CHRM3: variants seen among roughly 807,000 people sequenced by gnomAD.
The protein encoded by CHRM3 is cholinergic receptor muscarinic 3.
A neutral mutation model predicts 41.8 loss-of-function variants in CHRM3; 11 were observed. The ratio of observed to expected loss-of-function variants is 0.26; its 90% confidence interval spans 0.17 to 0.44. The LOEUF (loss-of-function observed/expected upper bound fraction) is 0.44. CHRM3 is among the 20% of genes least tolerant of loss of function. The pLI, the probability that CHRM3 is intolerant of heterozygous loss-of-function variation, is 1.00. For missense variants in CHRM3, 571 were observed against 745.4 expected, an observed-to-expected ratio of 0.77 and a Z score of 2.72; for synonymous variants, 297 against 301.4, an observed-to-expected ratio of 0.99 and a Z score of 0.15.
intron 3 of CHRM3, among the ~76,000 whole-genome samples, chr1:239,609,959 G>T (rs926847284): frequency 2.0e-5 from 3 of 151,988 alleles, no homozygotes; most frequent in Non-Finnish European, 2.9e-5. Context: ...TTGGGAGGCC[G>T]AGGTGGGTGG....
At chr1:239,482,107 A>G (rs1188617952) in intron 1 of CHRM3, among the ~76,000 whole-genome samples, 1 of 151,652 alleles carries the variant, frequency 6.6e-6, no homozygotes, top group Admixed American at 6.6e-5. Context: ...CACCTCACCT[A>G]TGTTCTTGCT....
chr1:239,855,995 T>C (rs1365831568), intron 6 of CHRM3, among the ~76,000 whole-genome samples: 1 of 152,194 alleles, frequency 6.6e-6, no homozygotes, highest in Non-Finnish European at 1.5e-5. Flanking sequence ...TTCCAGGTGA[T>C]CTTAAATTTT....
intron 4 of CHRM3, among the ~76,000 whole-genome samples, chr1:239,676,540 A>G (rs1658020182): frequency 6.6e-6 from 1 of 152,214 alleles, no homozygotes; most frequent in South Asian, 2.1e-4. Flanking sequence ...CTGTCAAGAA[A>G]TAGTGTATAT....
intron 5 of CHRM3, among the ~76,000 whole-genome samples, chr1:239,694,230 G>C (rs141917018): frequency 4.6e-5 from 7 of 152,140 alleles, no homozygotes; most frequent in Non-Finnish European, 1.0e-4. Flanking sequence ...TTAGATGATC[G>C]ATACAAACCT....
At chr1:239,799,217 C>A (rs1329682938) in intron 5 of CHRM3, among the ~76,000 whole-genome samples, 1 of 152,144 alleles carries the variant, frequency 6.6e-6, no homozygotes, top group African/African-American at 2.4e-5. Flanking sequence ...GGGAACTTAA[C>A]AGGTCATGGG....
chr1:239,522,182 T>A (rs964381775), intron 2 of CHRM3, among the ~76,000 whole-genome samples: 1 of 152,250 alleles, frequency 6.6e-6, no homozygotes, highest in Admixed American at 6.5e-5. Context: ...TTCCAAACCA[T>A]GTCACAAAAG....
intron 5 of CHRM3, among the ~76,000 whole-genome samples, chr1:239,706,074 TTTATG>T (rs1201652017): frequency 2.0e-5 from 3 of 149,336 alleles, no homozygotes; most frequent in Admixed American, 1.3e-4. Flanking sequence ...TTAAATTTAT[TTTATG>T]TTATATTTAT....
chr1:239,796,895 A>G (rs1260085304), intron 5 of CHRM3, among the ~76,000 whole-genome samples: 1 of 151,908 alleles, frequency 6.6e-6, no homozygotes, highest in Non-Finnish European at 1.5e-5. Flanking sequence ...TCCACTCACT[A>G]CAGGACACTT....
At chr1:239,682,955 C>A (rs1248999791) in intron 5 of CHRM3, among the ~76,000 whole-genome samples, 2 of 151,984 alleles carry the variant, frequency 1.3e-5, no homozygotes, top group African/African-American at 4.8e-5. Flanking sequence ...GGCTATTTAG[C>A]ATATCATGTC....
At chr1:239,457,083 G>A (rs1230289578) in intron 1 of CHRM3, among the ~76,000 whole-genome samples, 1 of 152,144 alleles carries the variant, frequency 6.6e-6, no homozygotes, top group Non-Finnish European at 1.5e-5. Context: ...TCAGCCAGAT[G>A]CATCTTTGAC....
At chr1:239,530,150 G>A (rs572378638) in intron 2 of CHRM3, among the ~76,000 whole-genome samples, 17 of 152,118 alleles carry the variant, frequency 1.1e-4, no homozygotes, top group South Asian at 4.1e-4. Flanking sequence ...TGATCTGCCC[G>A]CCTCGGCCTC....
intron 3 of CHRM3, among the ~76,000 whole-genome samples, chr1:239,608,500 T>G (rs1235319788): frequency 6.6e-6 from 1 of 152,230 alleles, no homozygotes. Flanking sequence ...TCTTTTTTTT[T>G]GTATGTCCTA....
chr1:239,586,215 C>G (rs1273007278), intron 3 of CHRM3, among the ~76,000 whole-genome samples: 2 of 149,626 alleles, frequency 1.3e-5, no homozygotes, highest in Non-Finnish European at 3.0e-5. Context: ...TCAGAACTGA[C>G]TGAAAATTAT....
chr1:239,520,361 C>T (rs1446045183), intron 2 of CHRM3, among the ~76,000 whole-genome samples: 1 of 152,040 alleles, frequency 6.6e-6, no homozygotes, highest in Non-Finnish European at 1.5e-5. Context: ...ATCGTGGGGG[C>T]GGATTTCTCA....
rs116544427 is a variant in CHRM3 at position 239,698,743 on chromosome 1, C to T, written c.-147+20455C>T. On this transcript the variant is annotated intron_variant, in intron 5 of 6. Transcript: ENST00000676153. ...GCAGAAACATTGAGTTTAATAAACG[C>T]TTACTGAGGGCCAACCATGTGTCCT... Among the ~76,000 whole-genome samples the T allele has an allele frequency of 5.8e-3, 876 of 152,232 alleles. 10 individuals are homozygous for T. Among genetic ancestry groups the T allele is most frequent in the African/African-American group, 0.02 (832 of 41,534 alleles).
Position 239,594,056 on chromosome 1 carries a change from C to A in CHRM3, c.-312-38168C>A, listed in dbSNP as rs1259154972. Among the ~76,000 whole-genome samples, 22 of 152,054 alleles carry A rather than the reference C, an allele frequency of 1.4e-4. 1 individual carries two copies. Among genetic ancestry groups the A allele is most frequent in the Admixed American group, 1.4e-3 (22 of 15,280 alleles). ...AAAATATAAGCAGGTATCCTTTTTT[C>A]TCCCTTTTAATGTCTAAATTATTTT... is the stretch of plus-strand genomic sequence containing the variant. On this transcript the variant is annotated intron_variant, in intron 3 of 6. Transcript: ENST00000676153.
Position 239,412,389 on chromosome 1 carries a change from A to T in CHRM3, c.-521+25162A>T, listed in dbSNP as rs1479969959. Among the ~76,000 whole-genome samples the T allele has an allele frequency of 2.3e-4, 4 of 17,762 alleles. No individual in the cohort carries two copies. In the East Asian group the frequency reaches 4.2e-3, roughly 19 times the overall value. 11.7% of individuals were successfully genotyped at this position (17,762 alleles called of 152,430 possible). A position where few individuals can be genotyped will look rare whatever the true frequency, so the allele number is the denominator to read the frequency against. The stretch of plus-strand genomic sequence containing the variant: ...CATCTATCCTTCTGTTCCAGTCAGC[A>T]CTGGTTCCTCCAGTCAGCACTGTTC... On this transcript the variant is annotated intron_variant, in intron 1 of 6. Transcript: ENST00000676153.
chr1:239,428,601 A>G (rs1317884891), intron 1 of CHRM3, among the ~76,000 whole-genome samples: 2 of 152,236 alleles, frequency 1.3e-5, no homozygotes, highest in African/African-American at 4.8e-5. Flanking sequence ...ATTTAGTCAT[A>G]AGAATACTTG....
At chr1:239,499,171 C>T (rs551588759) in intron 2 of CHRM3, among the ~76,000 whole-genome samples, 147 of 152,112 alleles carry the variant, frequency 9.7e-4, no homozygotes, top group East Asian at 2.9e-3. Flanking sequence ...TTACTTCTGA[C>T]GATTTCATGA....
Sources: allele counts gnomAD v4.1 joint callset (sites outside exome capture counted in the v4.1 genomes callset), GRCh38; gene constraint gnomAD v4.1.1; transcripts MANE v1.5; gene names NCBI Gene and HGNC (gene_info 2026-07-23, HGNC 2026-07-21).